Variants in PTPN13 observed in about 807,000 individuals in gnomAD.
PTPN13 encodes protein tyrosine phosphatase non-receptor type 13, also known as tyrosine-protein phosphatase non-receptor type 13.
In PTPN13, 191 loss-of-function variants were observed where a neutral mutation model predicts 284.0. The observed-to-expected ratio is 0.67, with a 90% CI of 0.60 to 0.76. The LOEUF (loss-of-function observed/expected upper bound fraction) is 0.76. Ranked by LOEUF, PTPN13 falls within the 30% of genes least tolerant of loss-of-function variation. PTPN13 has a pLI of 0.00. For synonymous variants in PTPN13, 986 were observed against 1,022.3 expected, an observed-to-expected ratio of 0.96 and a Z score of 0.68; for missense variants, 2,797 against 2,939.9, an observed-to-expected ratio of 0.95 and a Z score of 1.12.
intron 7 of PTPN13, among the ~76,000 whole-genome samples, chr4:86,713,783 C>T (rs1466049763): frequency 1.3e-5 from 2 of 152,120 alleles, no homozygotes; most frequent in East Asian, 1.9e-4. Flanking sequence ...CTTATCCTTT[C>T]TTGGGGCGTG....
intron 40 of PTPN13, among the ~76,000 whole-genome samples, chr4:86,789,720 A>G (rs534511201): frequency 3.3e-5 from 5 of 152,264 alleles, no homozygotes; most frequent in Non-Finnish European, 7.4e-5. Flanking sequence ...CTCCTCTTCC[A>G]AAGGTCCTTC....
At chr4:86,668,936 TGATCCTCCTTG>T (rs1255608463) in intron 2 of PTPN13, among the ~76,000 whole-genome samples, 4 of 151,794 alleles carry the variant, frequency 2.6e-5, no homozygotes, top group African/African-American at 9.7e-5. Flanking sequence ...AGCAAAAGTA[TGATCCTCCTTG>T]GTAATTCTGT....
chr4:86,721,473 A>G (rs141380898), intron 9 of PTPN13, among the ~76,000 whole-genome samples: 1,588 of 152,272 alleles, frequency 0.01, 15 homozygotes, highest in Non-Finnish European at 0.016. Context: ...ATATACTGCC[A>G]TATAATGATG....
intron 1 of PTPN13, among the ~76,000 whole-genome samples, chr4:86,617,121 G>A (rs1258723212): frequency 6.6e-6 from 1 of 152,072 alleles, no homozygotes; most frequent in African/African-American, 2.4e-5. Flanking sequence ...GACTACTGAG[G>A]GACAAGAGAG....
intron 2 of PTPN13, among the ~76,000 whole-genome samples, chr4:86,639,299 C>G (rs1723455120): frequency 6.6e-6 from 1 of 152,006 alleles, no homozygotes; most frequent in Admixed American, 6.5e-5. Flanking sequence ...ACTAGAAATA[C>G]CATTTGACCC....
At chr4:86,770,080 T>G (rs1046676495) in intron 29 of PTPN13, 21 bp from the exon 30 acceptor site, 2 of 1,611,862 alleles carry the variant, frequency 1.2e-6, no homozygotes, top group Admixed American at 3.3e-5. Flanking sequence ...TACCTTCATT[T>G]GTCATTCATG....
chr4:86,637,257 G>T (rs1448396405), intron 2 of PTPN13, among the ~76,000 whole-genome samples: 1 of 151,680 alleles, frequency 6.6e-6, no homozygotes, highest in Non-Finnish European at 1.5e-5. Flanking sequence ...GGTACAAGGA[G>T]GAACTGGTAC....
At chr4:86,604,382 A>G (rs1389667314) in intron 1 of PTPN13, among the ~76,000 whole-genome samples, 2 of 152,076 alleles carry the variant, frequency 1.3e-5, no homozygotes, top group Non-Finnish European at 2.9e-5. Flanking sequence ...CAATTGTGTT[A>G]CTGAGAGAAA....
chr4:86,815,047 T>C lies in PTPN13; in HGVS notation c.*496T>C, dbSNP rs1184702467. On this transcript the variant is annotated 3_prime_UTR_variant, in exon 48 of 48. Coordinates refer to ENST00000411767, the MANE Select transcript of PTPN13 (RefSeq NM_080683.3). ...TAGAATTTCCTGTAATATATTTATA[T>C]ACTTTTTCATGAAAATGGAGTTATC... 1 of 152,818 alleles carries C rather than the reference T, an allele frequency of 6.5e-6. No individual in the cohort carries two copies. The highest frequency in any genetic ancestry group is 1.5e-5 in the Non-Finnish European group (1 of 68,152). The allele number at this position is 152,818 out of a possible 1,614,324, so 9.5% of individuals were successfully genotyped here.
chr4:86,683,403 G>A (rs1264527768), intron 3 of PTPN13, among the ~76,000 whole-genome samples: 3 of 152,120 alleles, frequency 2.0e-5, no homozygotes, highest in Admixed American at 6.6e-5. Context: ...GTCCAAAGGA[G>A]GAAAACACTG....
At chr4:86,621,671 T>C (rs1721264404) in intron 1 of PTPN13, among the ~76,000 whole-genome samples, 1 of 152,216 alleles carries the variant, frequency 6.6e-6, no homozygotes, top group African/African-American at 2.4e-5. Context: ...TTGCTGGGGA[T>C]GTTTCAGAAT....
At chr4:86,755,337 CA>C (rs1282855706) in intron 20 of PTPN13, among the ~76,000 whole-genome samples, 2 of 149,630 alleles carry the variant, frequency 1.3e-5, no homozygotes, top group African/African-American at 4.9e-5. Flanking sequence ...ATTGTGATTT[CA>C]AAAACAAAAG....
At chr4:86,654,990 A>G (rs187094816) in intron 2 of PTPN13, among the ~76,000 whole-genome samples, 1 of 152,286 alleles carries the variant, frequency 6.6e-6, no homozygotes, top group African/African-American at 2.4e-5. Context: ...CTTCAACATT[A>G]TGTAATGGCC....
chr4:86,710,374 A>G (rs1286947476), intron 7 of PTPN13, among the ~76,000 whole-genome samples: 4 of 152,214 alleles, frequency 2.6e-5, no homozygotes, highest in South Asian at 4.1e-4. Context: ...CACTTTCTGC[A>G]TATTACTTGT....
chr4:86,733,836 C>G (rs1735210905), intron 12 of PTPN13, among the ~76,000 whole-genome samples: 1 of 151,930 alleles, frequency 6.6e-6, no homozygotes, highest in African/African-American at 2.4e-5. Flanking sequence ...GTCATTCCTT[C>G]TAGGTTTCAG....
At chr4:86,805,400 TGTGA>T in intron 44 of PTPN13, 31 bp downstream of exon 44, 2 of 1,383,934 alleles carry the variant, frequency 1.4e-6, no homozygotes, top group Non-Finnish European at 2.0e-6. Context: ...AGATTTAATA[TGTGA>T]TCAGTATAAT....
At chr4:86,634,919 T>G (rs1165729367) in intron 1 of PTPN13, among the ~76,000 whole-genome samples, 2 of 152,152 alleles carry the variant, frequency 1.3e-5, no homozygotes, top group Non-Finnish European at 2.9e-5. Flanking sequence ...GGCCTTCAGT[T>G]CAGTCTGACT....
At chr4:86,807,374 C>T (rs1744767978) in intron 44 of PTPN13, among the ~76,000 whole-genome samples, 186 bp from the exon 45 acceptor site, 1 of 152,030 alleles carries the variant, frequency 6.6e-6, no homozygotes, top group Admixed American at 6.5e-5. Context: ...GTAACATGAG[C>T]AAAAAGAATA....
chr4:86,614,365 T>G (rs1334493170), intron 1 of PTPN13, among the ~76,000 whole-genome samples: 1 of 152,180 alleles, frequency 6.6e-6, no homozygotes, highest in Admixed American at 6.5e-5. Context: ...AAAGTTTTTG[T>G]CAACACTATT....
Sources: allele counts gnomAD v4.1 joint callset (sites outside exome capture counted in the v4.1 genomes callset), GRCh38; gene constraint gnomAD v4.1.1; transcripts MANE v1.5; gene names NCBI Gene and HGNC (gene_info 2026-07-23, HGNC 2026-07-21).